The following DCTN5 variants were observed in gnomAD, a reference collection of about 807,000 sequenced individuals.
The protein encoded by DCTN5 is dynactin subunit 5.
In DCTN5, 14 loss-of-function variants were observed where a neutral mutation model predicts 23.5. The ratio of observed to expected loss-of-function variants is 0.60; its 90% CI spans 0.39 to 0.93. The LOEUF is 0.93. Among genes scored for constraint, DCTN5 ranks in the 40% least tolerant of loss-of-function variants. DCTN5 has a pLI of 0.00. For synonymous variants in DCTN5, 67 were observed against 79.6 expected (o/e 0.84, Z 0.84); for missense variants, 156 against 225.9 (o/e 0.69, Z 1.98).
chr16:23,659,219 C>G (rs542161490), intron 3 of DCTN5, among the ~76,000 whole-genome samples: 1 of 152,292 alleles, frequency 6.6e-6, no homozygotes, highest in Non-Finnish European at 1.5e-5. Flanking sequence ...TATCCCTGAT[C>G]TGAACGACTT....
rs1222436034 is a variant in DCTN5, at chr16:23,672,363, T to C, written c.*5219T>C. ...GAAATGGGCACTATAATGGGCACTT[T>C]ATCCCATTTTATAAACATGGAAATT... On this transcript the variant is annotated 3_prime_UTR_variant, in exon 6 of 6. Coordinates refer to ENST00000300087, the MANE Select transcript of DCTN5 (RefSeq NM_032486.4). 3 of 152,218 alleles carry C rather than the reference T, an allele frequency of 2.0e-5. No individual in the cohort carries two copies. The highest frequency in any genetic ancestry group is 7.2e-5 in the African/African-American group (3 of 41,470). The allele number at this position is 152,218 out of a possible 1,614,324, so 9.4% of individuals were successfully genotyped here.
Position 23,652,994 on chromosome 16 carries a change from T to C in DCTN5, c.118-5513T>C, listed in dbSNP as rs1967633799. ...CCCCATCTCTACAAATAAAAAAAATTAGCTGGGCTTGGTGGTGCACACCTG... is the reference window on the plus strand; with the variant it reads ...CCCCATCTCTACAAATAAAAAAAATCAGCTGGGCTTGGTGGTGCACACCTG... On this transcript the variant is annotated intron_variant, in intron 2 of 5. Transcript: ENST00000300087. 2.0e-5 allele frequency among the ~76,000 whole-genome samples: 3 copies of C among 152,000 alleles called. No homozygotes were observed. In the South Asian group the frequency reaches 6.2e-4, roughly 32 times the overall value.
chr16:23,645,102 TATATATATATATATATATATATATATA>T (rs1967405991), intron 2 of DCTN5, among the ~76,000 whole-genome samples: 5 of 30,308 alleles, frequency 1.6e-4, no homozygotes, highest in African/African-American at 4.7e-4. Flanking sequence ...TATATATATA[TATATATATATATATATATATATATATA>T]TATATATATT....
intron 2 of DCTN5, among the ~76,000 whole-genome samples, chr16:23,656,989 CAAA>C (rs35192089): frequency 8.8e-6 from 1 of 113,648 alleles, no homozygotes. Flanking sequence ...GACTCCATCT[CAAA>C]AAAAAAAAAA....
At chr16:23,643,125 G>T in intron 2 of DCTN5, 102 bp downstream of exon 2, 10 of 874,182 alleles carry the variant, frequency 1.1e-5, no homozygotes, top group African/African-American at 3.5e-5. Context: ...CCTATTTATT[G>T]TTTACATTTT....
intron 2 of DCTN5, chr16:23,650,855 A>C (rs1490429976): frequency 6.9e-7 from 1 of 1,445,422 alleles, no homozygotes; most frequent in Non-Finnish European, 9.4e-7. Flanking sequence ...GAGTGTGAAC[A>C]ATAGAGAGTG....
rs1967753837 is a variant in DCTN5 at position 23,658,545 on chromosome 16, G to A, written c.156G>A (p.Leu52=). ...VMNDCIIRGD[L]ANVRVGRHCV... Reference sequence around the variant, plus strand: ...ATGACTGTATTATCCGAGGGGATCTGGCAAATGTAAGAGTTGGACGTCATT... The same window carrying A: ...ATGACTGTATTATCCGAGGGGATCTAGCAAATGTAAGAGTTGGACGTCATT... Residue 52 remains leucine, a synonymous_variant, in exon 3 of 6, where the codon CTG becomes CTA. Coordinates refer to ENST00000300087, the MANE Select transcript of DCTN5 (RefSeq NM_032486.4). The A allele has an allele frequency of 1.2e-6, 2 of 1,614,050 alleles. No individual in the cohort carries two copies. The highest frequency in any genetic ancestry group is 1.7e-6 in the Non-Finnish European group (2 of 1,180,014).
In DCTN5 at chr16:23,672,445, TA is replaced by T. The variant is rs1383413602; in HGVS notation, c.*5302del. 1 of 152,240 alleles carries T rather than the reference TA, an allele frequency of 6.6e-6. No individual in the cohort carries two copies. Among genetic ancestry groups the T allele is most frequent in the East Asian group, 1.9e-4 (1 of 5,202 alleles). 9.4% of individuals were successfully genotyped at this position (152,240 alleles called of 1,614,324 possible). ...GTCATACAGCTAGTGATGGAGGAGCTAGCATTTGAACCCGGAGTTTTTAGTC... is the reference window on the plus strand; with the variant it reads ...GTCATACAGCTAGTGATGGAGGAGCTGCATTTGAACCCGGAGTTTTTAGTC... On this transcript the variant is annotated 3_prime_UTR_variant, in exon 6 of 6. Transcript: ENST00000300087.
intron 2 of DCTN5, among the ~76,000 whole-genome samples, chr16:23,655,704 C>G (rs765154126): frequency 2.0e-5 from 3 of 152,090 alleles, no homozygotes; most frequent in African/African-American, 7.2e-5. Flanking sequence ...ACCACCACAT[C>G]TGGCTAATTT....
In DCTN5 at chr16:23,677,199, CAT is replaced by C. The variant is rs1052416316; in HGVS notation, c.*10057_*10058del. On this transcript the variant is annotated 3_prime_UTR_variant, in exon 6 of 6. Transcript: ENST00000300087. ...TTCCTAGCCTTTCGCTGTAGTAAAA[CAT>C]AGCCATGAGTATGACTACAGGCTGA... is the stretch of plus-strand genomic sequence containing the variant. 5 of 152,338 alleles carry C rather than the reference CAT, an allele frequency of 3.3e-5. No homozygotes were observed. The highest frequency in any genetic ancestry group is 1.2e-4 in the African/African-American group (5 of 41,570). 9.4% of individuals were successfully genotyped at this position (152,338 alleles called of 1,614,324 possible). A position where few individuals can be genotyped will look rare whatever the true frequency, so the allele number is the denominator to read the frequency against.
chr16:23,668,873 G>A lies in DCTN5; in HGVS notation c.*1729G>A, dbSNP rs1470935051. 6.6e-6 allele frequency: 1 copy of A among 152,334 alleles called. No individual in the cohort carries two copies. The highest frequency in any genetic ancestry group is 2.4e-5 in the African/African-American group (1 of 41,430). The allele number at this position is 152,334 out of a possible 1,614,324, so 9.4% of individuals were successfully genotyped here. On this transcript the variant is annotated 3_prime_UTR_variant, in exon 6 of 6. Coordinates refer to ENST00000300087, the MANE Select transcript of DCTN5 (RefSeq NM_032486.4). ...CTCAATGGTTTGTTGTGAGTTCCAT[G>A]TCCTCTTGGATCAGTCACTGTGGCC...
intron 4 of DCTN5, among the ~76,000 whole-genome samples, chr16:23,662,731 C>A (rs2140986058): frequency 6.6e-6 from 1 of 152,288 alleles, no homozygotes; most frequent in Admixed American, 6.5e-5. Context: ...TCTCCCCTCA[C>A]CCTAATTGCT....
chr16:23,657,976 T>C (rs1967740982), intron 2 of DCTN5, among the ~76,000 whole-genome samples: 1 of 152,156 alleles, frequency 6.6e-6, no homozygotes, highest in Admixed American at 6.6e-5. Flanking sequence ...CCTCCCAGAC[T>C]TATAGGGGAA....
At chr16:23,653,029 C>G (rs1367717129) in intron 2 of DCTN5, among the ~76,000 whole-genome samples, 1 of 152,096 alleles carries the variant, frequency 6.6e-6, no homozygotes, top group Non-Finnish European at 1.5e-5. Flanking sequence ...GTGGTCCCAG[C>G]TGCTTGGGAA....
rs1054435896 is a variant in DCTN5 at position 23,662,551 on chromosome 16, A to G, written c.348+1270A>G. Among the ~76,000 whole-genome samples, 15 of 152,322 alleles carry G rather than the reference A, an allele frequency of 9.8e-5. 1 individual carries two copies. The highest frequency in any genetic ancestry group is 4.6e-4 in the Admixed American group (7 of 15,300). On this transcript the variant is annotated intron_variant, in intron 4 of 5. Transcript: ENST00000300087. The stretch of plus-strand genomic sequence containing the variant: ...GAAAAGCCAAGACTCTGTTTCTTTA[A>G]TGACCATTCCCGTTAATATGGAGCC...
intron 4 of DCTN5, among the ~76,000 whole-genome samples, chr16:23,665,421 G>A (rs1967887494): frequency 6.6e-6 from 1 of 152,140 alleles, no homozygotes; most frequent in South Asian, 2.1e-4. Context: ...CTAGCATACA[G>A]CCTTCCCCCC....
At chr16:23,650,059 T>C (rs1024752106) in intron 2 of DCTN5, among the ~76,000 whole-genome samples, 1 of 150,162 alleles carries the variant, frequency 6.7e-6, no homozygotes, top group African/African-American at 2.5e-5. Flanking sequence ...TTGGCCTATG[T>C]GTCTTTTTGT....
chr16:23,657,936 C>T (rs1967739991), intron 2 of DCTN5, among the ~76,000 whole-genome samples: 2 of 152,128 alleles, frequency 1.3e-5, no homozygotes, highest in African/African-American at 2.4e-5. Flanking sequence ...TTTGAGGGTG[C>T]CTACTCTTTA....
chr16:23,660,035 A>T (rs1422743443), intron 3 of DCTN5, among the ~76,000 whole-genome samples: 2 of 152,232 alleles, frequency 1.3e-5, no homozygotes, highest in African/African-American at 2.4e-5. Flanking sequence ...ATAGAAGCTA[A>T]ATGTGGATTT....
Sources: gnomAD v4.1 joint callset for allele counts (sites outside exome capture counted in the v4.1 genomes callset) on GRCh38, gnomAD v4.1.1 for gene constraint, MANE v1.5 for transcripts, NCBI Gene and HGNC (gene_info 2026-07-23, HGNC 2026-07-21) for gene names.